Variants in SV2B observed in about 807,000 individuals in gnomAD.
SV2B encodes synaptic vesicle glycoprotein 2B.
In SV2B, 41 loss-of-function variants were observed where a neutral mutation model predicts 73.9. The ratio of observed to expected loss-of-function variants is 0.56; its 90% CI spans 0.43 to 0.72. SV2B has a LOEUF of 0.72. Among genes scored for constraint, SV2B ranks in the 30% least tolerant of loss-of-function variants. SV2B has a pLI of 0.00. For missense variants in SV2B, 764 were observed against 857.8 expected (o/e 0.89, Z 1.37); for synonymous variants, 314 against 314.2 (o/e 1.00, Z 0.01).
chr15:91,116,370 CT>C (rs1380629991), intron 1 of SV2B, among the ~76,000 whole-genome samples: 1 of 152,066 alleles, frequency 6.6e-6, no homozygotes, highest in Admixed American at 6.6e-5. Context: ...CAGCATATTG[CT>C]TTGCTATTGT....
chr15:91,188,283 T>TTTTATTTATTTATTTATTTATTTA (rs200076814), intron 1 of SV2B, among the ~76,000 whole-genome samples: 1 of 144,104 alleles, frequency 6.9e-6, no homozygotes, highest in Non-Finnish European at 1.5e-5. Context: ...TGTTCCTTAT[T>TTTTATTTATTTATTTATTTATTTA]TTTATTTATT....
At chr15:91,266,734 G>T in intron 7 of SV2B, 42 bp downstream of exon 7, 1 of 1,496,506 alleles carries the variant, frequency 6.7e-7, no homozygotes, top group South Asian at 1.2e-5. Flanking sequence ...GCGTCTCTAT[G>T]GGAGTCTCTT....
At position 91,288,647 on chromosome 15, in the gene SV2B, C is replaced by G. The variant is rs937420851; in HGVS notation, c.1709-874C>G. The stretch of plus-strand genomic sequence containing the variant: ...CTCTCTTTCTCTCTTCTTTCTTTCT[C>G]TCTCTCTCTCTCCTTCCTTCCTTCC... On this transcript the variant is annotated intron_variant, in intron 11 of 12. Transcript: ENST00000394232. This position sits in a 1 kb window ranked among gnomAD's most constrained non-coding sequence, Gnocchi z 5.8. Among the ~76,000 whole-genome samples, 1 of 151,326 alleles carries G rather than the reference C, an allele frequency of 6.6e-6. No homozygotes were observed. The highest frequency in any genetic ancestry group is 2.4e-5 in the African/African-American group (1 of 41,144).
rs577622231 is a variant in SV2B at position 91,227,187 on chromosome 15, A to G, written c.451+473A>G. Among the ~76,000 whole-genome samples, 84 of 152,286 alleles carry G rather than the reference A, an allele frequency of 5.5e-4. No individual in the cohort carries two copies. The Middle Eastern group carries it at 0.01, about 18-fold the overall frequency. ...TGTCTGTTCCTGGTTTCTCATGTACATAAATGTTAGTAGGCTGAATGCCCA... is the reference window on the plus strand; with the variant it reads ...TGTCTGTTCCTGGTTTCTCATGTACGTAAATGTTAGTAGGCTGAATGCCCA... On this transcript the variant is annotated intron_variant, in intron 2 of 12. Coordinates refer to ENST00000394232, the MANE Select transcript of SV2B (RefSeq NM_001323032.3). This position sits in a 1 kb window ranked among gnomAD's most constrained non-coding sequence, Gnocchi z 4.5.
intron 10 of SV2B, among the ~76,000 whole-genome samples, chr15:91,282,482 A>C (rs533636935): frequency 1.1e-4 from 17 of 152,342 alleles, no homozygotes; most frequent in African/African-American, 4.1e-4. Flanking sequence ...GGGTATAAGG[A>C]AACCAACTGA....
intron 1 of SV2B, among the ~76,000 whole-genome samples, chr15:91,147,701 AC>A (rs2043185157): frequency 6.6e-6 from 1 of 152,146 alleles, no homozygotes; most frequent in Non-Finnish European, 1.5e-5. Context: ...TGGATATCAA[AC>A]ATGCAAGACT....
chr15:91,163,952 G>A (rs2043818965), intron 1 of SV2B, among the ~76,000 whole-genome samples: 1 of 152,156 alleles, frequency 6.6e-6, no homozygotes, highest in African/African-American at 2.4e-5. Flanking sequence ...GAGGTGTAAG[G>A]AAGGGATCCA....
rs1050344124 is a variant in SV2B, at chr15:91,223,754, T to C, written c.-391-2119T>C. On this transcript the variant is annotated intron_variant, in intron 1 of 12. Transcript: ENST00000394232. The surrounding 1 kb of genome is among the most constrained non-coding windows in gnomAD (Gnocchi z 4.6). Reference sequence around the variant, plus strand: ...CGTGGTTCAGGCCAACATGGTCTAATAGAAATTTATTTACTGGAGATGGTG... The same window carrying C: ...CGTGGTTCAGGCCAACATGGTCTAACAGAAATTTATTTACTGGAGATGGTG... Among the ~76,000 whole-genome samples the C allele has an allele frequency of 2.0e-5, 3 of 152,260 alleles. No individual in the cohort carries two copies. Among genetic ancestry groups the C allele is most frequent in the Admixed American group, 6.5e-5 (1 of 15,290 alleles).
At chr15:91,291,801 G>A (rs564300974) in intron 12 of SV2B, among the ~76,000 whole-genome samples, 1 of 152,254 alleles carries the variant, frequency 6.6e-6, no homozygotes, top group African/African-American at 2.4e-5. Context: ...AGAGCAAAAG[G>A]CCCACCCGCA....
chr15:91,109,144 G>C (rs1225522383), intron 1 of SV2B, among the ~76,000 whole-genome samples: 1 of 152,208 alleles, frequency 6.6e-6, no homozygotes, highest in Admixed American at 6.5e-5. Flanking sequence ...AGATATCTGA[G>C]GCGCAGAGAA....
At chr15:91,269,848 G>T (rs1363920769) in intron 9 of SV2B, among the ~76,000 whole-genome samples, 2 of 152,154 alleles carry the variant, frequency 1.3e-5, no homozygotes, top group East Asian at 3.8e-4. Flanking sequence ...TTTTTAAAAT[G>T]CTGAAGCCCA....
chr15:91,271,603 T>C (rs550163887), intron 9 of SV2B, among the ~76,000 whole-genome samples: 8 of 152,318 alleles, frequency 5.3e-5, no homozygotes, highest in African/African-American at 1.9e-4. Flanking sequence ...ACTAAACCTA[T>C]ACCCACTATT....
In SV2B at chr15:91,105,255, G is replaced by A. The variant is rs1343498291; in HGVS notation, c.-392+4892G>A. ...GAATGTTGAGCAGGGAAAGGAAGAT[G>A]GGGGGTGCCTTGTTGTGTTGGAGTG... On this transcript the variant is annotated intron_variant, in intron 1 of 12. Transcript: ENST00000394232. The surrounding 1 kb of genome is among the most constrained non-coding windows in gnomAD (Gnocchi z 5.5). 4.6e-5 allele frequency among the ~76,000 whole-genome samples: 7 copies of A among 152,154 alleles called. No individual in the cohort carries two copies. The highest frequency in any genetic ancestry group is 4.6e-4 in the Admixed American group (7 of 15,274).
At position 91,292,405 on chromosome 15, in the gene SV2B, A is replaced by T. The variant is rs2049072131; in HGVS notation, c.1905A>T (p.Lys635Asn). The change falls in exon 13 of 13, where the codon AAA becomes AAT. Residue 635 changes from lysine (K) to asparagine (N), a missense_variant. Physicochemically the swap from Lys to Asn is moderately conservative, Grantham distance 94. Coordinates refer to ENST00000394232, the MANE Select transcript of SV2B (RefSeq NM_001323032.3). ...TCGGCATTCTCAATGGATTATGCAA[A>T]TTTGGCGCCATCCTGGGAAACACCA... ...TAFGILNGLC[K>N]FGAILGNTIF... The T allele has an allele frequency of 1.2e-6, 2 of 1,614,106 alleles. No individual in the cohort carries two copies. The highest frequency in any genetic ancestry group is 1.7e-6 in the Non-Finnish European group (2 of 1,180,016).
intron 9 of SV2B, among the ~76,000 whole-genome samples, chr15:91,270,820 TGGTG>T (rs2048272528): frequency 1.4e-5 from 1 of 70,556 alleles, no homozygotes; most frequent in Non-Finnish European, 2.9e-5. Flanking sequence ...GATGGGGGGA[TGGTG>T]AATCCTGTGG....
Position 91,292,606 on chromosome 15 carries a change from G to A in SV2B, c.*54G>A, listed in dbSNP as rs770295612. Reference sequence around the variant, plus strand: ...AGAATCTTGTCCAGGACACTGAAATGCATCCACACTTCCTGCCTATCACGG... The same window carrying A: ...AGAATCTTGTCCAGGACACTGAAATACATCCACACTTCCTGCCTATCACGG... On this transcript the variant is annotated 3_prime_UTR_variant, in exon 13 of 13. Coordinates refer to ENST00000394232, the MANE Select transcript of SV2B (RefSeq NM_001323032.3). The A allele has an allele frequency of 5.1e-6, 8 of 1,563,964 alleles. No homozygotes were observed. Among genetic ancestry groups the A allele is most frequent in the Admixed American group, 1.9e-5 (1 of 53,028 alleles).
intron 1 of SV2B, among the ~76,000 whole-genome samples, chr15:91,145,909 A>T (rs2043133131): frequency 2.6e-5 from 4 of 152,130 alleles, no homozygotes; most frequent in African/African-American, 9.7e-5. Flanking sequence ...TAGTTTGCAA[A>T]CATTTTCTCC....
intron 11 of SV2B, among the ~76,000 whole-genome samples, chr15:91,286,116 G>T (rs1427349727): frequency 6.6e-6 from 1 of 152,190 alleles, no homozygotes; most frequent in African/African-American, 2.4e-5. Flanking sequence ...AGCTTGTTAA[G>T]AGCTGAGACA....
At chr15:91,173,234 T>A (rs1034947341) in intron 1 of SV2B, among the ~76,000 whole-genome samples, 20 of 151,944 alleles carry the variant, frequency 1.3e-4, no homozygotes, top group African/African-American at 4.6e-4. Context: ...GCGCGGTGTG[T>A]CTGAACAGAG....
Sources: gnomAD v4.1 joint callset for allele counts (sites outside exome capture counted in the v4.1 genomes callset) on GRCh38, gnomAD v4.1.1 for gene constraint, Gnocchi (gnomAD v3.1) non-coding constraint, MANE v1.5 for transcripts, NCBI Gene and HGNC (gene_info 2026-07-23, HGNC 2026-07-21) for gene names.